CCDC178: variants seen among roughly 807,000 people sequenced by gnomAD.
CCDC178 encodes coiled-coil domain-containing protein 178.
A neutral mutation model predicts 117.4 loss-of-function variants in CCDC178; 126 were observed. That is an observed-to-expected ratio of 1.07 (90% confidence interval 0.93 to 1.24). CCDC178 has a LOEUF of 1.24. Ranked by LOEUF, CCDC178 falls within the 50% of genes most tolerant of loss-of-function variation. CCDC178 has a pLI of 0.00. For synonymous variants in CCDC178, 283 were observed against 313.4 expected (o/e 0.90, Z 1.02); for missense variants, 1,030 against 986.9 (o/e 1.04, Z -0.59).
intron 15 of CCDC178, among the ~76,000 whole-genome samples, chr18:33,237,860 C>T (rs1471555942): frequency 6.6e-6 from 1 of 152,184 alleles, no homozygotes; most frequent in Non-Finnish European, 1.5e-5. Context: ...GCCCATACTT[C>T]CAGACAGAGT....
chr18:33,309,262 C>T (rs966853374), intron 11 of CCDC178, among the ~76,000 whole-genome samples: 1 of 151,592 alleles, frequency 6.6e-6, no homozygotes, highest in Non-Finnish European at 1.5e-5. Flanking sequence ...TAAAAATACC[C>T]ATGTATTTAA....
chr18:33,244,957 T>C (rs1240171704), intron 15 of CCDC178, among the ~76,000 whole-genome samples: 2 of 151,914 alleles, frequency 1.3e-5, no homozygotes, highest in Non-Finnish European at 2.9e-5. Context: ...GTTAGATATA[T>C]AGGATAAAGA....
At chr18:33,084,499 T>C (rs1392495176) in intron 21 of CCDC178, among the ~76,000 whole-genome samples, 1 of 152,118 alleles carries the variant, frequency 6.6e-6, no homozygotes, top group African/African-American at 2.4e-5. Flanking sequence ...TGTGTTCTAA[T>C]TGGTGTTTGG....
intron 20 of CCDC178, among the ~76,000 whole-genome samples, chr18:33,148,253 C>T (rs954385091): frequency 4.6e-5 from 7 of 152,186 alleles, no homozygotes; most frequent in Non-Finnish European, 1.0e-4. Flanking sequence ...CAAACCCCGT[C>T]TCCACCAAAA....
At chr18:33,036,039 G>A (rs117942546) in intron 21 of CCDC178, among the ~76,000 whole-genome samples, 1 of 151,602 alleles carries the variant, frequency 6.6e-6, no homozygotes, top group African/African-American at 2.4e-5. Flanking sequence ...ATAGTAATGT[G>A]GCATTTTATA....
chr18:33,334,554 TC>T (rs1432178577), intron 9 of CCDC178, among the ~76,000 whole-genome samples: 2 of 152,066 alleles, frequency 1.3e-5, no homozygotes, highest in Non-Finnish European at 2.9e-5. Flanking sequence ...TAGTTTATTT[TC>T]TTTTTTATCT....
intron 6 of CCDC178, among the ~76,000 whole-genome samples, chr18:33,364,119 T>C (rs1317596205): frequency 6.6e-6 from 1 of 152,074 alleles, no homozygotes; most frequent in African/African-American, 2.4e-5. Context: ...CCAGTTGTGC[T>C]ACCAGATGTG....
At chr18:33,397,010 G>T in intron 4 of CCDC178, 139 bp downstream of exon 4, 1 of 608,238 alleles carries the variant, frequency 1.6e-6, no homozygotes, top group Non-Finnish European at 2.9e-6. Flanking sequence ...GAAGCGTTAC[G>T]ATTATTCTCA....
intron 21 of CCDC178, among the ~76,000 whole-genome samples, chr18:32,996,854 G>T (rs1324051782): frequency 1.3e-5 from 2 of 151,834 alleles, no homozygotes; most frequent in Non-Finnish European, 2.9e-5. Flanking sequence ...ATTATAAAGA[G>T]ATCATATAAA....
chr18:33,267,650 T>C (rs1219124709), intron 12 of CCDC178, among the ~76,000 whole-genome samples: 1 of 151,552 alleles, frequency 6.6e-6, no homozygotes, highest in Non-Finnish European at 1.5e-5. Context: ...AAGAATAAGA[T>C]CATATTATCT....
intron 4 of CCDC178, among the ~76,000 whole-genome samples, chr18:33,392,695 T>A (rs1403066090): frequency 2.0e-5 from 3 of 151,884 alleles, no homozygotes; most frequent in African/African-American, 7.3e-5. Context: ...AAAAGAAGAA[T>A]TAAAAATATA....
At chr18:33,404,774 G>T (rs531699218) in intron 3 of CCDC178, among the ~76,000 whole-genome samples, 104 of 152,124 alleles carry the variant, frequency 6.8e-4, no homozygotes, top group African/African-American at 2.4e-3. Flanking sequence ...ATAGTATTCA[G>T]TCATACAAAG....
At chr18:32,993,035 G>A (rs192772207) in intron 21 of CCDC178, among the ~76,000 whole-genome samples, 405 of 152,116 alleles carry the variant, frequency 2.7e-3, no homozygotes, top group African/African-American at 9.1e-3. Flanking sequence ...GCGTGGTGGC[G>A]CAAACCTGTA....
At chr18:33,233,840 G>A (rs1481887814) in intron 15 of CCDC178, among the ~76,000 whole-genome samples, 1 of 151,976 alleles carries the variant, frequency 6.6e-6, no homozygotes, top group Non-Finnish European at 1.5e-5. Flanking sequence ...AACCAGCCAG[G>A]ATTTGAATTA....
intron 11 of CCDC178, among the ~76,000 whole-genome samples, chr18:33,296,643 T>C (rs1237092489): frequency 1.3e-5 from 2 of 152,292 alleles, no homozygotes; most frequent in South Asian, 2.1e-4. Flanking sequence ...AAGATTGAGA[T>C]AAGACACATA....
At chr18:33,124,783 C>CTT (rs1338497504) in intron 20 of CCDC178, among the ~76,000 whole-genome samples, 1 of 152,176 alleles carries the variant, frequency 6.6e-6, no homozygotes, top group Non-Finnish European at 1.5e-5. Context: ...TCCACAAAGG[C>CTT]TGTGTCAGAG....
At chr18:33,298,687 T>G (rs568009690) in intron 11 of CCDC178, among the ~76,000 whole-genome samples, 19 of 152,252 alleles carry the variant, frequency 1.2e-4, no homozygotes, top group African/African-American at 4.1e-4. Context: ...AAGTAGGAAG[T>G]CTAATTGTCC....
At chr18:33,276,743 T>C (rs923331879) in intron 12 of CCDC178, among the ~76,000 whole-genome samples, 1 of 152,060 alleles carries the variant, frequency 6.6e-6, no homozygotes, top group Non-Finnish European at 1.5e-5. Flanking sequence ...TTGGGGTGTG[T>C]TTAAGAAAGG....
At chr18:33,103,337 T>C (rs2057658449) in intron 20 of CCDC178, among the ~76,000 whole-genome samples, 1 of 151,570 alleles carries the variant, frequency 6.6e-6, no homozygotes. Flanking sequence ...AACAGGTCCC[T>C]CCCACAACCC....
Sources: allele counts gnomAD v4.1 joint callset (sites outside exome capture counted in the v4.1 genomes callset), GRCh38; gene constraint gnomAD v4.1.1; transcripts MANE v1.5; gene names NCBI Gene and HGNC (gene_info 2026-07-23, HGNC 2026-07-21).